Variants in GALNT17 observed in about 807,000 individuals in gnomAD.
The protein encoded by GALNT17 is polypeptide N-acetylgalactosaminyltransferase 17.
GALNT17 carries 29 observed loss-of-function variants against 63.7 expected under a neutral mutation model. The observed-to-expected ratio is 0.46, with a 90% CI of 0.34 to 0.62. GALNT17 has a LOEUF of 0.62. Among genes scored for constraint, GALNT17 ranks in the 20% least tolerant of loss-of-function variants. GALNT17 has a pLI of 0.01. For missense variants in GALNT17, 603 were observed against 799.6 expected (o/e 0.75, Z 2.97); for synonymous variants, 305 against 318.3 (o/e 0.96, Z 0.45).
chr7:71,266,640 G>T (rs1035485770), intron 1 of GALNT17, among the ~76,000 whole-genome samples: 27 of 152,140 alleles, frequency 1.8e-4, no homozygotes, highest in African/African-American at 6.5e-4. Context: ...AGCCCCATTT[G>T]CCATATTGGG....
chr7:71,281,573 A>C (rs1032734780), intron 1 of GALNT17, among the ~76,000 whole-genome samples: 1 of 152,114 alleles, frequency 6.6e-6, no homozygotes, highest in Non-Finnish European at 1.5e-5. Flanking sequence ...ATCCAGCTCT[A>C]ATGAGCATCA....
chr7:71,635,302 T>G (rs1019390910), intron 6 of GALNT17, among the ~76,000 whole-genome samples: 5 of 152,124 alleles, frequency 3.3e-5, no homozygotes, highest in Admixed American at 6.6e-5. Flanking sequence ...GTACTAGGCT[T>G]TAGAGAAAAG....
intron 1 of GALNT17, among the ~76,000 whole-genome samples, chr7:71,237,274 T>C (rs750238562): frequency 6.6e-6 from 1 of 152,086 alleles, no homozygotes; most frequent in Admixed American, 6.6e-5. Context: ...TTACTGTAGG[T>C]GTGAACTTTA....
At chr7:71,362,084 G>A (rs991989364) in intron 2 of GALNT17, among the ~76,000 whole-genome samples, 1 of 152,216 alleles carries the variant, frequency 6.6e-6, no homozygotes, top group African/African-American at 2.4e-5. Context: ...AGCCTCCCGA[G>A]TGGCTAGGAT....
chr7:71,409,017 A>AC (rs374011039), intron 3 of GALNT17, among the ~76,000 whole-genome samples: 9 of 144,946 alleles, frequency 6.2e-5, no homozygotes, highest in Non-Finnish European at 9.0e-5. Flanking sequence ...CACATACACA[A>AC]ACACACACAC....
At chr7:71,708,992 T>C (rs1301605798) in intron 9 of GALNT17, among the ~76,000 whole-genome samples, 8 of 152,212 alleles carry the variant, frequency 5.3e-5, no homozygotes, top group Admixed American at 5.2e-4. Context: ...TGCATACCTT[T>C]GCTATTGTGA....
chr7:71,557,476 A>G (rs1789183749), intron 5 of GALNT17, among the ~76,000 whole-genome samples: 1 of 152,156 alleles, frequency 6.6e-6, no homozygotes, highest in South Asian at 2.1e-4. Flanking sequence ...TTCTCTTCAC[A>G]TGAGTCCCCA....
intron 3 of GALNT17, among the ~76,000 whole-genome samples, chr7:71,393,977 C>G (rs1793096024): frequency 7.0e-6 from 1 of 142,920 alleles, no homozygotes; most frequent in African/African-American, 2.9e-5. Context: ...CGACACTACT[C>G]TCTGCTGATT....
chr7:71,624,538 T>G (rs111441058), intron 6 of GALNT17, among the ~76,000 whole-genome samples: 2 of 152,214 alleles, frequency 1.3e-5, no homozygotes, highest in Non-Finnish European at 2.9e-5. Context: ...GTTTCATCAG[T>G]AAGTGTCATT....
intron 1 of GALNT17, among the ~76,000 whole-genome samples, chr7:71,223,151 T>C (rs6972721): frequency 0.024 from 3,700 of 152,304 alleles, 145 homozygotes; most frequent in African/African-American, 0.084. Flanking sequence ...TCTTCTTATG[T>C]AATTAATATA....
chr7:71,287,590 G>C (rs183536598), intron 1 of GALNT17, among the ~76,000 whole-genome samples: 1 of 152,086 alleles, frequency 6.6e-6, no homozygotes, highest in Non-Finnish European at 1.5e-5. Context: ...GTCAGACTGC[G>C]TGCAACTTCT....
intron 3 of GALNT17, among the ~76,000 whole-genome samples, chr7:71,409,959 T>G (rs1352713221): frequency 6.6e-6 from 1 of 152,192 alleles, no homozygotes; most frequent in Non-Finnish European, 1.5e-5. Flanking sequence ...CGTTCTTTGG[T>G]GAGTCAGCTT....
At chr7:71,697,002 T>C (rs1254727274) in intron 9 of GALNT17, among the ~76,000 whole-genome samples, 1 of 151,778 alleles carries the variant, frequency 6.6e-6, no homozygotes, top group African/African-American at 2.4e-5. Flanking sequence ...ATGGAGCCAG[T>C]GGAGACAGGG....
At chr7:71,357,394 T>G (rs2116212340) in intron 2 of GALNT17, among the ~76,000 whole-genome samples, 1 of 152,206 alleles carries the variant, frequency 6.6e-6, no homozygotes, top group Non-Finnish European at 1.5e-5. Context: ...GGTGGAGCAG[T>G]CTCATCCTGA....
chr7:71,258,898 G>A (rs1583806212), intron 1 of GALNT17, among the ~76,000 whole-genome samples: 1 of 83,142 alleles, frequency 1.2e-5, no homozygotes, highest in Non-Finnish European at 2.6e-5. Context: ...GTGAAGGAGT[G>A]GGGAAGACAT....
chr7:71,175,125 CATCA>C (rs1198215072), intron 1 of GALNT17, among the ~76,000 whole-genome samples: 16 of 150,922 alleles, frequency 1.1e-4, no homozygotes, highest in African/African-American at 3.0e-4. Flanking sequence ...TTCATCCATC[CATCA>C]GTCTATCTGT....
At chr7:71,678,773 C>T (rs1472122002) in intron 9 of GALNT17, among the ~76,000 whole-genome samples, 9 of 144,794 alleles carry the variant, frequency 6.2e-5, no homozygotes, top group African/African-American at 1.3e-4. Context: ...CCAGCCTGTG[C>T]GACAGAGTGA....
rs540836807 is a variant in GALNT17, at chr7:71,314,402, G to C, written c.239-21148G>C. On this transcript the variant is annotated intron_variant, in intron 1 of 10. Coordinates refer to ENST00000333538, the MANE Select transcript of GALNT17 (RefSeq NM_022479.3). ...AGAATGAACTTTTAGATAAATGAGAGAGAAAGAGAGGGTGTTAGAACTGGA... is the reference window on the plus strand; with the variant it reads ...AGAATGAACTTTTAGATAAATGAGACAGAAAGAGAGGGTGTTAGAACTGGA... Among the ~76,000 whole-genome samples, 7 of 152,274 alleles carry C rather than the reference G, an allele frequency of 4.6e-5. 2 individuals are homozygous for C. In the South Asian group the frequency reaches 1.5e-3, roughly 32 times the overall value.
At chr7:71,270,805 T>C (rs1790573507) in intron 1 of GALNT17, among the ~76,000 whole-genome samples, 1 of 152,002 alleles carries the variant, frequency 6.6e-6, no homozygotes, top group African/African-American at 2.4e-5. Flanking sequence ...GTTTAAGCTG[T>C]TCATTTCCCT....
Sources: allele counts gnomAD v4.1 joint callset (sites outside exome capture counted in the v4.1 genomes callset), GRCh38; gene constraint gnomAD v4.1.1; transcripts MANE v1.5; gene names NCBI Gene and HGNC (gene_info 2026-07-23, HGNC 2026-07-21).